TRPM3: variants seen among roughly 807,000 people sequenced by gnomAD.
The protein encoded by TRPM3 is transient receptor potential cation channel subfamily M member 3, also known as long transient receptor potential channel 3.
In TRPM3, 77 loss-of-function variants were observed where a neutral mutation model predicts 181.2. That is an observed-to-expected ratio of 0.42 (90% CI 0.35 to 0.51). The LOEUF (loss-of-function observed/expected upper bound fraction) is 0.51. TRPM3 is among the 20% of genes least tolerant of loss of function. The pLI, the probability that TRPM3 is intolerant of heterozygous loss-of-function variation, is 0.01. For synonymous variants in TRPM3, 745 were observed against 796.4 expected (o/e 0.94, Z 1.09); for missense variants, 1,759 against 2,196.7 (o/e 0.80, Z 3.98).
chr9:71,443,335 A>G (rs1015604478), intron 1 of TRPM3, among the ~76,000 whole-genome samples: 4 of 142,368 alleles, frequency 2.8e-5, no homozygotes, highest in Non-Finnish European at 6.2e-5. Flanking sequence ...ACAAAAATGG[A>G]AAAAAAAAAA....
chr9:70,833,140 G>A (rs570971846), intron 5 of TRPM3, among the ~76,000 whole-genome samples: 3 of 152,284 alleles, frequency 2.0e-5, no homozygotes, highest in African/African-American at 4.8e-5. Context: ...TCAAGTTAAC[G>A]CAGAATAGTG....
chr9:71,325,859 T>A (rs2089646608), intron 1 of TRPM3, among the ~76,000 whole-genome samples: 2 of 152,196 alleles, frequency 1.3e-5, no homozygotes, highest in South Asian at 4.1e-4. Flanking sequence ...TTTTCTACTC[T>A]GCTTATAACA....
At chr9:70,958,218 G>T (rs548338429) in intron 1 of TRPM3, among the ~76,000 whole-genome samples, 1 of 152,214 alleles carries the variant, frequency 6.6e-6, no homozygotes, top group East Asian at 1.9e-4. Context: ...AAAAGGGTAG[G>T]CTATTTTTGC....
intron 22 of TRPM3, among the ~76,000 whole-genome samples, chr9:70,557,857 A>T (rs979647088): frequency 1.3e-5 from 2 of 152,200 alleles, no homozygotes; most frequent in African/African-American, 2.4e-5. Flanking sequence ...TCATGGTGAC[A>T]GTCAGTACAG....
intron 1 of TRPM3, among the ~76,000 whole-genome samples, chr9:71,041,646 A>C (rs1024142917): frequency 6.6e-6 from 1 of 152,160 alleles, no homozygotes; most frequent in African/African-American, 2.4e-5. Context: ...CATTCACAAA[A>C]AGGTTTAGTT....
rs2041487996 is a variant in TRPM3, at chr9:70,535,376, A to T, written c.*577T>A. 1 of 1,534,670 alleles carries T rather than the reference A, an allele frequency of 6.5e-7. No individual in the cohort carries two copies. The highest frequency in any genetic ancestry group is 2.0e-5 in the Admixed American group (1 of 50,912). ...TTTCTTTATAATGATCAATTACAGA[A>T]GTGTTGGCATGAGAAGGATGTGGGA... is the stretch of plus-strand genomic sequence containing the variant. On this transcript the variant is annotated 3_prime_UTR_variant, in exon 26 of 26. Coordinates refer to ENST00000677713, the MANE Select transcript of TRPM3 (RefSeq NM_001366145.2).
chr9:71,287,637 G>GAAA (rs34955327), intron 1 of TRPM3, among the ~76,000 whole-genome samples: 3 of 126,012 alleles, frequency 2.4e-5, no homozygotes, highest in African/African-American at 8.7e-5. Context: ...CATTTACTCA[G>GAAA]AAAAAAAAAA....
intron 1 of TRPM3, among the ~76,000 whole-genome samples, chr9:71,344,290 A>G (rs1262487678): frequency 6.6e-6 from 1 of 152,082 alleles, no homozygotes; most frequent in African/African-American, 2.4e-5. Context: ...TCTCTACCAA[A>G]AAATACAAAA....
At chr9:71,342,792 T>TA (rs902682223) in intron 1 of TRPM3, among the ~76,000 whole-genome samples, 4 of 152,084 alleles carry the variant, frequency 2.6e-5, no homozygotes, top group African/African-American at 9.7e-5. Flanking sequence ...TTCATAGTTG[T>TA]AAAAAAATTG....
At chr9:70,819,573 CTT>C (rs2092992433) in intron 6 of TRPM3, among the ~76,000 whole-genome samples, 1 of 152,148 alleles carries the variant, frequency 6.6e-6, no homozygotes, top group Non-Finnish European at 1.5e-5. Flanking sequence ...GCTTCAAATT[CTT>C]CTCCAAGCAA....
intron 1 of TRPM3, among the ~76,000 whole-genome samples, chr9:71,255,495 C>T (rs1006241327): frequency 6.6e-6 from 1 of 152,118 alleles, no homozygotes; most frequent in Admixed American, 6.6e-5. Flanking sequence ...TGTCCACACA[C>T]CTCTGCTAAA....
At chr9:70,864,546 A>C in intron 1 of TRPM3, 35 bp from the exon 2 acceptor site, 1 of 1,337,798 alleles carries the variant, frequency 7.5e-7, no homozygotes, top group Non-Finnish European at 1.0e-6. Flanking sequence ...AAAAAAGAAA[A>C]AAGAAAGAAA....
chr9:71,060,013 T>C (rs2061125758), intron 1 of TRPM3, among the ~76,000 whole-genome samples: 1 of 152,062 alleles, frequency 6.6e-6, no homozygotes, highest in Non-Finnish European at 1.5e-5. Flanking sequence ...GGGTTTGACC[T>C]GAGAGCTGTA....
chr9:70,751,368 C>A (rs2076106126), intron 8 of TRPM3, among the ~76,000 whole-genome samples: 1 of 151,982 alleles, frequency 6.6e-6, no homozygotes. Context: ...AATATTTCAC[C>A]AGGAAATATA....
chr9:71,419,115 T>C (rs1244775329), intron 1 of TRPM3, among the ~76,000 whole-genome samples: 1 of 151,608 alleles, frequency 6.6e-6, no homozygotes, highest in Admixed American at 6.6e-5. Flanking sequence ...GGAGCTCTTA[T>C]AGGTTTTGCT....
Position 70,621,492 on chromosome 9 carries a change from G to A in TRPM3, c.1810-219C>T, listed in dbSNP as rs374412896. Among the ~76,000 whole-genome samples the A allele has an allele frequency of 1.5e-4, 23 of 152,144 alleles. No individual in the cohort carries two copies. The Middle Eastern group carries it at 0.01, about 67-fold the overall frequency. On this transcript the variant is annotated intron_variant, in intron 14 of 25. Transcript: ENST00000677713. ...TGATTCTCCTACTTCAGTGCCCCAC[G>A]TAGCTGAGAGTACAGGTGCATGTTA...
chr9:71,305,004 T>C (rs1170705787), intron 1 of TRPM3, among the ~76,000 whole-genome samples: 2 of 152,172 alleles, frequency 1.3e-5, no homozygotes, highest in African/African-American at 4.8e-5. Flanking sequence ...CCTGTCACAT[T>C]CTATTCTTAA....
At position 71,080,207 on chromosome 9, in the gene TRPM3, T is replaced by TAAATAAATAAAA. The variant is rs1396432862; in HGVS notation, c.177+40970_177+40971insTTTTATTTATTT. On this transcript the variant is annotated intron_variant, in intron 1 of 25. Transcript: ENST00000677713. Reference sequence around the variant, plus strand: ...ATAAATAAATAAATAAATAAATAAATAAAATAAAAAGGGAGACTTTGTTCT... The same window carrying TAAATAAATAAAA: ...ATAAATAAATAAATAAATAAATAAATAAATAAATAAAAAAAATAAAAAGGGAGACTTTGTTCT... Among the ~76,000 whole-genome samples the TAAATAAATAAAA allele has an allele frequency of 6.7e-4, 97 of 145,838 alleles. 2 individuals are homozygous for TAAATAAATAAAA. The highest frequency in any genetic ancestry group is 3.5e-3 in the Middle Eastern group (1 of 284).
chr9:70,936,707 C>A (rs963284744), intron 1 of TRPM3, among the ~76,000 whole-genome samples: 18 of 152,160 alleles, frequency 1.2e-4, no homozygotes, highest in Admixed American at 2.6e-4. Context: ...GTTCTCTTCA[C>A]CCAGTAAATA....
Sources: allele counts gnomAD v4.1 joint callset (sites outside exome capture counted in the v4.1 genomes callset), GRCh38; gene constraint gnomAD v4.1.1; transcripts MANE v1.5; gene names NCBI Gene and HGNC (gene_info 2026-07-23, HGNC 2026-07-21).